Variants in ENO1 observed in about 807,000 individuals in gnomAD.
ENO1 encodes alpha-enolase.
Under a neutral mutation model 46.3 loss-of-function variants are expected in ENO1, and 33 were observed. That is an observed-to-expected ratio of 0.71 (90% confidence interval 0.54 to 0.95). The LOEUF (loss-of-function observed/expected upper bound fraction) is 0.95. ENO1 is among the 40% of genes least tolerant of loss of function. ENO1 has a pLI of 0.00. For missense variants in ENO1, 488 were observed against 553.3 expected, an observed-to-expected ratio of 0.88 and a Z score of 1.18; for synonymous variants, 220 against 216.0, an observed-to-expected ratio of 1.02 and a Z score of -0.16.
At position 8,866,255 on chromosome 1, in the gene ENO1, G is replaced by A. The variant is rs758396604; in HGVS notation, c.667+24C>T. 14 of 1,610,760 alleles carry A rather than the reference G, an allele frequency of 8.7e-6. No individual in the cohort carries two copies. In the African/African-American group the frequency reaches 9.4e-5, roughly 11 times the overall value. ...AGCTGGCGCTGCAGGGCTGGGTGGG[G>A]GGGCGGTTCCCTAGCGCCTTTACCT... On this transcript the variant is annotated intron_variant, in intron 7 of 11. Coordinates refer to ENST00000234590, the MANE Select transcript of ENO1 (RefSeq NM_001428.5).
rs2124120307 is a variant in ENO1 at position 8,878,645 on chromosome 1, A to T, written c.-75T>A. On this transcript the variant is annotated 5_prime_UTR_variant, in exon 1 of 12. Transcript: ENST00000234590. ...GTGCTGCAGACACCGAGGTGAACGT[A>T]AAGCCGGCGAGATCTCCGTGCTCCG... 1 of 456,034 alleles carries T rather than the reference A, an allele frequency of 2.2e-6. No homozygotes were observed. Among genetic ancestry groups the T allele is most frequent in the African/African-American group, 2.0e-5 (1 of 50,186 alleles). 28.2% of individuals were successfully genotyped at this position (456,034 alleles called of 1,614,324 possible). A position where few individuals can be genotyped will look rare whatever the true frequency, so the allele number is the denominator to read the frequency against.
chr1:8,866,229 G>C (rs1557580850), intron 7 of ENO1, 50 bp downstream of exon 7: 1 of 1,568,600 alleles, frequency 6.4e-7, no homozygotes, highest in South Asian at 1.1e-5. Flanking sequence ...CCAACAGAGG[G>C]AGCTGGCGCT....
At chr1:8,876,347 T>C (rs1409882472) in intron 1 of ENO1, 1 of 152,246 alleles carries the variant, frequency 6.6e-6, no homozygotes, top group Non-Finnish European at 1.5e-5. Flanking sequence ...AAAAGGTACT[T>C]ACTTTTTACT....
chr1:8,867,476 T>A lies in ENO1; in HGVS notation c.311-226A>T, dbSNP rs187859355. Among the ~76,000 whole-genome samples, 315 of 152,348 alleles carry A rather than the reference T, an allele frequency of 2.1e-3. 1 individual carries two copies. The highest frequency in any genetic ancestry group is 7.4e-3 in the African/African-American group (306 of 41,584). On this transcript the variant is annotated intron_variant, in intron 5 of 11. Coordinates refer to ENST00000234590, the MANE Select transcript of ENO1 (RefSeq NM_001428.5). The stretch of plus-strand genomic sequence containing the variant: ...ACAGTAGGAATTGCTGAATTCATTA[T>A]AAGGAGCAAAGCTCTTCTGAGTAAC...
At chr1:8,865,176 A>C (rs1569898223) in intron 8 of ENO1, 109 bp downstream of exon 8, 2 of 1,359,034 alleles carry the variant, frequency 1.5e-6, no homozygotes, top group Non-Finnish European at 2.1e-6. Context: ...AAGTTCAGAC[A>C]CTCCCTCCCC....
chr1:8,872,051 C>G (rs1642645126), intron 2 of ENO1, 65 bp from the exon 3 acceptor site: 3 of 1,371,588 alleles, frequency 2.2e-6, no homozygotes, highest in Non-Finnish European at 3.1e-6. Context: ...ATCCCAAGTC[C>G]CCTCCCGCCC....
rs909726776 is a variant in ENO1 at position 8,871,704 on chromosome 1, C to T, written c.181+187G>A. 2.6e-5 allele frequency: 34 copies of T among 1,306,590 alleles called. No homozygotes were observed. In the Admixed American group the frequency reaches 2.8e-4, roughly 11 times the overall value. The allele number at this position is 1,306,590 out of a possible 1,614,324, so 80.9% of individuals were successfully genotyped here. On this transcript the variant is annotated intron_variant, in intron 3 of 11. Transcript: ENST00000234590. Reference sequence around the variant, plus strand: ...CCAGAGCATGCAGGCTCGGGAACCCCGGAATCCACACACCAACTTTCCTGT... The same window carrying T: ...CCAGAGCATGCAGGCTCGGGAACCCTGGAATCCACACACCAACTTTCCTGT...
In ENO1 at chr1:8,871,962, C is replaced by T. The variant is rs1163118680; in HGVS notation, c.110G>A (p.Ser37Asn). ...SKGLFRAAVP[S>N]GASTGIYEAL... ...CTCATAGATACCAGTTGAAGCACCACTGGGCACAGCAGCTCTGAAGAGACC... is the reference window on the plus strand; with the variant it reads ...CTCATAGATACCAGTTGAAGCACCATTGGGCACAGCAGCTCTGAAGAGACC... The change falls in exon 3 of 12, where the codon AGT (serine) becomes AAT (asparagine). Residue 37 changes from serine to asparagine, a missense_variant. Coordinates refer to ENST00000234590, the MANE Select transcript of ENO1 (RefSeq NM_001428.5). The T allele has an allele frequency of 6.2e-7, 1 of 1,614,196 alleles. No homozygotes were observed. The highest frequency in any genetic ancestry group is 8.5e-7 in the Non-Finnish European group (1 of 1,180,024).
Position 8,866,498 on chromosome 1 carries a change from A to C in ENO1, c.448T>G (p.Phe150Val). 1 of 1,614,184 alleles carries C rather than the reference A, an allele frequency of 6.2e-7. No homozygotes were observed. Among genetic ancestry groups the C allele is most frequent in the Non-Finnish European group, 8.5e-7 (1 of 1,180,030 alleles). The change falls in exon 7 of 12, where the codon TTC becomes GTC. Residue 150 changes from phenylalanine to valine, a missense_variant. Phe to Val is a conservative substitution (Grantham distance 50, BLOSUM62 -1). Transcript: ENST00000234590. Reference sequence around the variant, plus strand: ...TGAGAACCGCCATTGATGACATTGAACGCCTGGGGAGAGCAGAGCAGAGAA... The same window carrying C: ...TGAGAACCGCCATTGATGACATTGACCGCCTGGGGAGAGCAGAGCAGAGAA... ...NSEVILPVPAFNVINGGSHAG... is the reference protein window; with the variant it reads ...NSEVILPVPAVNVINGGSHAG...
chr1:8,866,018 T>C (rs1642504716), intron 7 of ENO1: 3 of 403,760 alleles, frequency 7.4e-6, no homozygotes, highest in African/African-American at 2.1e-5. Flanking sequence ...GAGGCGGAAG[T>C]TGTAGTGAGC....
Position 8,866,038 on chromosome 1 carries a change from G to A in ENO1, c.667+241C>T, listed in dbSNP as rs566763807. 275 of 426,700 alleles carry A rather than the reference G, an allele frequency of 6.4e-4. 2 individuals are homozygous for A. In the South Asian group the frequency reaches 7.5e-3, roughly 12 times the overall value. The allele number at this position is 426,700 out of a possible 1,614,324, so 26.4% of individuals were successfully genotyped here. On this transcript the variant is annotated intron_variant, in intron 7 of 11. Transcript: ENST00000234590. ...GGAAGTTGTAGTGAGCCGAGATTGC[G>A]CCACTGCACTCCAGCCTGGGCGACA...
chr1:8,876,293 G>A (rs911272682), intron 1 of ENO1: 1 of 152,142 alleles, frequency 6.6e-6, no homozygotes, highest in African/African-American at 2.4e-5. Context: ...CACTTCTGTG[G>A]CTTTGTTGTC....
intron 7 of ENO1, 103 bp downstream of exon 7, chr1:8,866,176 G>T: frequency 1.0e-6 from 1 of 989,010 alleles, no homozygotes; most frequent in Non-Finnish European, 1.5e-6. Context: ...CAAACTACAG[G>T]TGGAAAGAAT....
intron 9 of ENO1, 76 bp downstream of exon 9, chr1:8,863,815 C>T (rs1642453882): frequency 6.7e-7 from 1 of 1,500,390 alleles, no homozygotes; most frequent in African/African-American, 1.4e-5. Context: ...GATTCCCCAT[C>T]ACCAGAACAA....
At chr1:8,863,636 C>T (rs1372249681) in intron 9 of ENO1, among the ~76,000 whole-genome samples, 2 of 152,240 alleles carry the variant, frequency 1.3e-5, no homozygotes, top group Admixed American at 6.5e-5. Context: ...AATACAACTA[C>T]TTGCTATGTT....
chr1:8,871,264 C>T, intron 3 of ENO1: 1 of 1,008,080 alleles, frequency 9.9e-7, no homozygotes, highest in Middle Eastern at 4.9e-4. Context: ...TTTCCGGGTG[C>T]CCCACTGAGA....
chr1:8,864,598 G>A (rs1642472233), intron 8 of ENO1, among the ~76,000 whole-genome samples: 1 of 152,114 alleles, frequency 6.6e-6, no homozygotes, highest in South Asian at 2.1e-4. Flanking sequence ...GCCACCATAT[G>A]CCCAGCCTCA....
intron 8 of ENO1, among the ~76,000 whole-genome samples, chr1:8,864,975 T>A (rs1642480276): frequency 6.6e-6 from 1 of 152,186 alleles, no homozygotes; most frequent in African/African-American, 2.4e-5. Context: ...AAGTGGCTGT[T>A]CTGATTCTGA....
chr1:8,872,443 C>T (rs1015321022), intron 2 of ENO1, among the ~76,000 whole-genome samples: 13 of 151,912 alleles, frequency 8.6e-5, no homozygotes, highest in Admixed American at 3.9e-4. Context: ...GAGTGTATGG[C>T]GTGATCTTGG....
Sources: gnomAD v4.1 joint callset for allele counts (sites outside exome capture counted in the v4.1 genomes callset) on GRCh38, gnomAD v4.1.1 for gene constraint, MANE v1.5 for transcripts, NCBI Gene and HGNC (gene_info 2026-07-23, HGNC 2026-07-21) for gene names.